Variants in ASTN1 observed in about 807,000 individuals in gnomAD.
The protein encoded by ASTN1 is astrotactin-1.
A neutral mutation model predicts 140.7 loss-of-function variants in ASTN1; 41 were observed. The ratio of observed to expected loss-of-function variants is 0.29; its 90% CI spans 0.23 to 0.38. The LOEUF is 0.38. Among genes scored for constraint, ASTN1 ranks in the 10% least tolerant of loss-of-function variants. The pLI is 1.00. For missense variants in ASTN1, 1,479 were observed against 1,678.8 expected, an observed-to-expected ratio of 0.88 and a Z score of 2.08; for synonymous variants, 640 against 652.2, an observed-to-expected ratio of 0.98 and a Z score of 0.29.
intron 1 of ASTN1, among the ~76,000 whole-genome samples, chr1:177,160,753 T>C (rs867610725): frequency 7.6e-4 from 116 of 152,302 alleles, no homozygotes; most frequent in African/African-American, 2.6e-3. Flanking sequence ...CTCTTAAATC[T>C]CCTGAGAGGA....
At chr1:177,097,711 G>C (rs920376236) in intron 1 of ASTN1, among the ~76,000 whole-genome samples, 4 of 152,128 alleles carry the variant, frequency 2.6e-5, no homozygotes, top group African/African-American at 7.2e-5. Flanking sequence ...TTAGTTGCCA[G>C]AGTAACCAAA....
At chr1:177,003,606 T>C (rs535495938) in intron 8 of ASTN1, among the ~76,000 whole-genome samples, 2 of 152,160 alleles carry the variant, frequency 1.3e-5, no homozygotes, top group South Asian at 4.2e-4. Flanking sequence ...AAGTTGGAAG[T>C]TCGAGACCAG....
chr1:177,012,082 A>G (rs752327334), intron 8 of ASTN1, among the ~76,000 whole-genome samples: 8 of 152,230 alleles, frequency 5.3e-5, no homozygotes, highest in Non-Finnish European at 7.3e-5. Context: ...CCTCCACTTC[A>G]GGAGAATTAA....
intron 2 of ASTN1, among the ~76,000 whole-genome samples, chr1:177,052,075 G>A (rs7546071): frequency 0.08 from 12,114 of 152,098 alleles, 1,012 homozygotes; most frequent in African/African-American, 0.22. Context: ...TGTAAACAAT[G>A]AAACAGAAGT....
intron 8 of ASTN1, among the ~76,000 whole-genome samples, chr1:176,979,246 C>T (rs947601665): frequency 2.0e-5 from 3 of 152,188 alleles, no homozygotes; most frequent in South Asian, 2.1e-4. Context: ...ACCAACCTTG[C>T]CCATTGCCTC....
chr1:176,904,878 C>T (rs1414187780), intron 16 of ASTN1, among the ~76,000 whole-genome samples: 3 of 152,142 alleles, frequency 2.0e-5, no homozygotes, highest in Non-Finnish European at 4.4e-5. Context: ...GTTGAAGGCC[C>T]CACTGAGCTA....
chr1:176,909,638 C>T (rs1000812207), intron 16 of ASTN1, among the ~76,000 whole-genome samples: 2 of 152,142 alleles, frequency 1.3e-5, no homozygotes, highest in Admixed American at 6.5e-5. Flanking sequence ...GGATGGTGCT[C>T]GCATGGGGTG....
At chr1:176,977,689 CT>C (rs1486117606) in intron 8 of ASTN1, among the ~76,000 whole-genome samples, 2 of 152,186 alleles carry the variant, frequency 1.3e-5, no homozygotes, top group Non-Finnish European at 2.9e-5. Flanking sequence ...TGAGGCACAG[CT>C]GTTATATTAG....
At chr1:177,042,190 A>T (rs1189328855) in intron 2 of ASTN1, among the ~76,000 whole-genome samples, 3 of 152,198 alleles carry the variant, frequency 2.0e-5, no homozygotes, top group Non-Finnish European at 4.4e-5. Context: ...GTGGAGGTAG[A>T]AGGCCTTTCA....
intron 1 of ASTN1, among the ~76,000 whole-genome samples, chr1:177,083,796 G>C (rs1413706914): frequency 6.6e-6 from 1 of 152,108 alleles, no homozygotes; most frequent in African/African-American, 2.4e-5. Flanking sequence ...CAAAATTATA[G>C]ATTAAATATA....
In ASTN1 at chr1:177,061,068, C is replaced by T. The variant is rs756737618; in HGVS notation, c.471+10G>A. 3.2e-6 allele frequency: 5 copies of T among 1,574,456 alleles called. No individual in the cohort carries two copies. The African/African-American group carries it at 5.4e-5, about 17-fold the overall frequency. On this transcript the variant is annotated intron_variant, in intron 2 of 22. Transcript: ENST00000361833. ...TATGGCCTGAGAGGCTAAGGCTGTTCTGCTCTTACCATGACTGAGATGTGG... is the reference window on the plus strand; with the variant it reads ...TATGGCCTGAGAGGCTAAGGCTGTTTTGCTCTTACCATGACTGAGATGTGG...
At chr1:177,033,398 C>CTA (rs1676553536) in intron 2 of ASTN1, among the ~76,000 whole-genome samples, 1 of 152,170 alleles carries the variant, frequency 6.6e-6, no homozygotes, top group Non-Finnish European at 1.5e-5. Flanking sequence ...ACCACTTAAC[C>CTA]ACCCAGGGTG....
intron 1 of ASTN1, among the ~76,000 whole-genome samples, chr1:177,079,286 G>A (rs1368433410): frequency 1.3e-5 from 2 of 152,192 alleles, no homozygotes; most frequent in East Asian, 1.9e-4. Context: ...TGAGGAAGCT[G>A]ATGTCTTCCC....
intron 1 of ASTN1, among the ~76,000 whole-genome samples, chr1:177,105,471 A>AT (rs1280758807): frequency 6.6e-6 from 1 of 151,936 alleles, no homozygotes; most frequent in Non-Finnish European, 1.5e-5. Flanking sequence ...TTCTAAAATT[A>AT]TTTTTCCCAT....
chr1:177,069,570 T>C (rs930071868), intron 1 of ASTN1, among the ~76,000 whole-genome samples: 1 of 152,150 alleles, frequency 6.6e-6, no homozygotes, highest in African/African-American at 2.4e-5. Context: ...TTTCTATGGA[T>C]GCTGCTGGAA....
intron 11 of ASTN1, among the ~76,000 whole-genome samples, chr1:176,951,095 C>T (rs971658239): frequency 7.2e-5 from 11 of 152,230 alleles, no homozygotes; most frequent in African/African-American, 2.7e-4. Flanking sequence ...GCCTGCCAGG[C>T]TCCCAGCCTG....
intron 16 of ASTN1, among the ~76,000 whole-genome samples, chr1:176,902,466 A>G (rs1158752125): frequency 2.6e-5 from 4 of 152,034 alleles, no homozygotes; most frequent in Non-Finnish European, 4.4e-5. Context: ...CCCTCTTAAT[A>G]GGCATGTTGT....
chr1:176,922,786 A>C (rs959859642), intron 16 of ASTN1, among the ~76,000 whole-genome samples: 5 of 152,122 alleles, frequency 3.3e-5, no homozygotes, highest in African/African-American at 1.2e-4. Flanking sequence ...ACAAACAGTG[A>C]ATTTTACCCA....
At chr1:176,965,370 A>G (rs1161436214) in intron 8 of ASTN1, 133 bp from the exon 9 acceptor site, 2 of 732,008 alleles carry the variant, frequency 2.7e-6, no homozygotes, top group African/African-American at 3.5e-5. Flanking sequence ...CAAGAAGCTC[A>G]CTAATATGAG....
Sources: allele counts gnomAD v4.1 joint callset (sites outside exome capture counted in the v4.1 genomes callset), GRCh38; gene constraint gnomAD v4.1.1; transcripts MANE v1.5; gene names NCBI Gene and HGNC (gene_info 2026-07-23, HGNC 2026-07-21).